GAS7: variants seen among roughly 807,000 people sequenced by gnomAD.
GAS7 encodes the protein growth arrest-specific protein 7.
A neutral mutation model predicts 71.1 loss-of-function variants in GAS7; 28 were observed. The ratio of observed to expected loss-of-function variants is 0.39; its 90% CI spans 0.29 to 0.54. The LOEUF is 0.54. Ranked by LOEUF, GAS7 falls within the 20% of genes least tolerant of loss-of-function variation. GAS7 has a pLI of 0.62. For missense variants in GAS7, 436 were observed against 627.8 expected, an observed-to-expected ratio of 0.69 and a Z score of 3.27; for synonymous variants, 258 against 245.8, an observed-to-expected ratio of 1.05 and a Z score of -0.46.
At chr17:10,031,152 T>C (rs747235211) in intron 1 of GAS7, among the ~76,000 whole-genome samples, 2 of 152,150 alleles carry the variant, frequency 1.3e-5, no homozygotes, top group Non-Finnish European at 2.9e-5. Flanking sequence ...ATCCAGCTCC[T>C]GGTAGGCTTG....
chr17:10,070,338 CTTCTTTTTT>C (rs2073326777), intron 1 of GAS7, among the ~76,000 whole-genome samples: 1 of 125,102 alleles, frequency 8.0e-6, no homozygotes, highest in Non-Finnish European at 1.7e-5. Context: ...CGTTCTCTCT[CTTCTTTTTT>C]TTTTTTTTTT....
At chr17:9,966,379 G>A (rs7211249) in intron 4 of GAS7, among the ~76,000 whole-genome samples, 8,193 of 152,076 alleles carry the variant, frequency 0.054, 707 homozygotes, top group African/African-American at 0.18. Context: ...GATCACAACC[G>A]GGTTTTGAGA....
chr17:10,136,533 C>T (rs188441532), intron 1 of GAS7, among the ~76,000 whole-genome samples: 3 of 152,300 alleles, frequency 2.0e-5, no homozygotes, highest in Admixed American at 2.0e-4. Flanking sequence ...ATCTTCAATG[C>T]ACTGCAAATC....
chr17:10,167,872 T>C (rs887307190), intron 1 of GAS7, among the ~76,000 whole-genome samples: 1 of 152,178 alleles, frequency 6.6e-6, no homozygotes, highest in Admixed American at 6.5e-5. Flanking sequence ...CTGACATTTG[T>C]ATTTTTTGTA....
Position 10,198,543 on chromosome 17 carries a change from G to GA in GAS7, c.-154_-153insT. The GA allele has an allele frequency of 2.4e-6, 1 of 419,902 alleles. No homozygotes were observed. Among genetic ancestry groups the GA allele is most frequent in the Non-Finnish European group, 4.0e-6 (1 of 249,152 alleles). The allele number at this position is 419,902 out of a possible 1,614,324, so 26.0% of individuals were successfully genotyped here. ...GGGGTGCGCGGGGGTCCTCAGGCAG[G>GA]CGGGGGACGCGCGCTCCGCGCCGGG... On this transcript the variant is annotated 5_prime_UTR_variant, in exon 1 of 14. Transcript: ENST00000432992.
At chr17:10,004,934 C>T (rs1470614271) in intron 2 of GAS7, among the ~76,000 whole-genome samples, 2 of 152,128 alleles carry the variant, frequency 1.3e-5, no homozygotes, top group East Asian at 1.9e-4. Flanking sequence ...CGCTTGAACC[C>T]GGGAGGCAGA....
At chr17:10,076,267 G>A (rs1483310381) in intron 1 of GAS7, among the ~76,000 whole-genome samples, 1 of 73,752 alleles carries the variant, frequency 1.4e-5, no homozygotes, top group Non-Finnish European at 2.8e-5. Context: ...GGGAAGGGGA[G>A]GGGAGACGGG....
intron 7 of GAS7, 86 bp from the exon 8 acceptor site, chr17:9,940,286 G>A: frequency 1.1e-6 from 1 of 948,886 alleles, no homozygotes; most frequent in South Asian, 1.3e-5. Flanking sequence ...CTCAGCCGTG[G>A]AAAGGAACCC....
rs539220197 is a variant in GAS7 at position 9,996,633 on chromosome 17, A to T, written c.305-14749T>A. On this transcript the variant is annotated intron_variant, in intron 2 of 13. Transcript: ENST00000432992. Reference sequence around the variant, plus strand: ...TGTATATATACACACATATATATATATTTTTTATTATTTTTTATTTTTTGA... The same window carrying T: ...TGTATATATACACACATATATATATTTTTTTTATTATTTTTTATTTTTTGA... Among the ~76,000 whole-genome samples the T allele has an allele frequency of 2.3e-3, 349 of 149,712 alleles. 2 individuals carry two copies. Among genetic ancestry groups the T allele is most frequent in the Middle Eastern group, 0.017 (5 of 290 alleles).
chr17:10,137,178 C>T (rs1212394836), intron 1 of GAS7, among the ~76,000 whole-genome samples: 2 of 152,112 alleles, frequency 1.3e-5, no homozygotes, highest in Non-Finnish European at 2.9e-5. Context: ...TCACCCAACT[C>T]GAGCTTCGTG....
intron 2 of GAS7, among the ~76,000 whole-genome samples, chr17:9,992,287 G>A (rs557260970): frequency 1.8e-4 from 27 of 151,888 alleles, no homozygotes; most frequent in South Asian, 1.7e-3. Flanking sequence ...TCTAAGAGCC[G>A]CGGCTTTGAC....
At chr17:10,137,831 G>A (rs575266141) in intron 1 of GAS7, among the ~76,000 whole-genome samples, 4 of 150,218 alleles carry the variant, frequency 2.7e-5, no homozygotes, top group Admixed American at 6.6e-5. Flanking sequence ...GTGAGCTACC[G>A]CGCCAGACCA....
intron 1 of GAS7, among the ~76,000 whole-genome samples, chr17:10,054,807 C>A (rs1290180289): frequency 6.6e-6 from 1 of 152,206 alleles, no homozygotes; most frequent in Non-Finnish European, 1.5e-5. Flanking sequence ...CCAAGGGCTG[C>A]AAATGTGTGG....
chr17:10,075,091 T>C (rs2073376983), intron 1 of GAS7, among the ~76,000 whole-genome samples: 1 of 152,066 alleles, frequency 6.6e-6, no homozygotes, highest in African/African-American at 2.4e-5. Context: ...GGAGCGGTGG[T>C]TCACACCTGT....
chr17:10,134,737 C>G (rs1473613818), intron 1 of GAS7, among the ~76,000 whole-genome samples: 1 of 152,016 alleles, frequency 6.6e-6, no homozygotes, highest in East Asian at 1.9e-4. Flanking sequence ...AGGGTTATAG[C>G]CCTGTGACTA....
chr17:10,006,316 C>CTTTTTTT lies in GAS7; in HGVS notation c.304+13454_304+13460dup, dbSNP rs1168698479. 4.6e-4 allele frequency among the ~76,000 whole-genome samples: 30 copies of CTTTTTTT among 65,616 alleles called. 2 individuals carry two copies. The highest frequency in any genetic ancestry group is 8.6e-4 in the Non-Finnish European group (29 of 33,540). The allele number at this position is 65,616 out of a possible 152,430, so 43.0% of individuals were successfully genotyped here. A position where few individuals can be genotyped will look rare whatever the true frequency, so the allele number is the denominator to read the frequency against. On this transcript the variant is annotated intron_variant, in intron 2 of 13. Coordinates refer to ENST00000432992, the MANE Select transcript of GAS7 (RefSeq NM_201433.2). ...ATGAAAACAGTACAAGCCCCAGATT[C>CTTTTTTT]TTTTTTTTTTTTTTTTTTTTTTTTT... is the stretch of plus-strand genomic sequence containing the variant.
At chr17:9,956,281 G>C (rs1255456248) in intron 5 of GAS7, among the ~76,000 whole-genome samples, 4 of 152,184 alleles carry the variant, frequency 2.6e-5, no homozygotes, top group Non-Finnish European at 5.9e-5. Flanking sequence ...TGATCTGGGA[G>C]GGTATGGGAG....
intron 1 of GAS7, among the ~76,000 whole-genome samples, chr17:10,032,803 G>T (rs757335700): frequency 6.6e-6 from 1 of 152,166 alleles, no homozygotes; most frequent in Non-Finnish European, 1.5e-5. Context: ...AACTCTTTTG[G>T]TCTAGATACC....
At chr17:10,027,325 C>A (rs2072490707) in intron 1 of GAS7, among the ~76,000 whole-genome samples, 1 of 152,094 alleles carries the variant, frequency 6.6e-6, no homozygotes, top group Non-Finnish European at 1.5e-5. Context: ...GCTATTTTAC[C>A]AAATAAGCAG....
Sources: allele counts gnomAD v4.1 joint callset (sites outside exome capture counted in the v4.1 genomes callset), GRCh38; gene constraint gnomAD v4.1.1; transcripts MANE v1.5; gene names NCBI Gene and HGNC (gene_info 2026-07-23, HGNC 2026-07-21).